XKR9: variants seen among roughly 807,000 people sequenced by gnomAD.
XKR9 encodes XK related 9, also known as XK-related protein 9.
A neutral mutation model predicts 32.0 loss-of-function variants in XKR9; 32 were observed. That is an observed-to-expected ratio of 1.00 (90% CI 0.76 to 1.34). The LOEUF is 1.34. XKR9 is among the 40% of genes most tolerant of loss of function. The pLI is 0.00. For synonymous variants in XKR9, 168 were observed against 143.4 expected, an observed-to-expected ratio of 1.17 and a Z score of -1.22; for missense variants, 546 against 429.7, an observed-to-expected ratio of 1.27 and a Z score of -2.39.
the XKR9 span, among the ~76,000 whole-genome samples, chr8:71,034,505 C>T: frequency 6.6e-6 from 1 of 152,164 alleles, no homozygotes; most frequent in Non-Finnish European, 1.5e-5. Context: ...ATGCCACTTC[C>T]ACCTGTTTGC....
At chr8:70,889,964 A>G in the XKR9 span, among the ~76,000 whole-genome samples, 4 of 152,062 alleles carry the variant, frequency 2.6e-5, no homozygotes, top group African/African-American at 9.7e-5. Context: ...GTTGAATGGT[A>G]GTTCTGTTTT....
At chr8:70,845,959 C>T in the XKR9 span, among the ~76,000 whole-genome samples, 16 of 152,088 alleles carry the variant, frequency 1.1e-4, no homozygotes, top group East Asian at 1.9e-4. Context: ...TACAGATCCC[C>T]GAGTAGATAC....
the XKR9 span, among the ~76,000 whole-genome samples, chr8:71,009,031 C>T: frequency 1.9e-3 from 292 of 151,958 alleles, no homozygotes; most frequent in Non-Finnish European, 3.0e-3. Flanking sequence ...CCAAGGAGTT[C>T]GATGTGTTAT....
chr8:70,847,851 C>T, the XKR9 span, among the ~76,000 whole-genome samples: 1 of 151,920 alleles, frequency 6.6e-6, no homozygotes, highest in Non-Finnish European at 1.5e-5. Flanking sequence ...CAAAGAAAAG[C>T]CCTGGACTTG....
chr8:70,701,915 G>A (rs900925448), intron 3 of XKR9, among the ~76,000 whole-genome samples: 2 of 152,092 alleles, frequency 1.3e-5, no homozygotes, highest in Non-Finnish European at 2.9e-5. Flanking sequence ...TCTGCCAAAG[G>A]AGAGTTTTCT....
At chr8:70,746,248 T>A (rs1807057705) in intron 2 of XKR9, among the ~76,000 whole-genome samples, 1 of 149,700 alleles carries the variant, frequency 6.7e-6, no homozygotes, top group African/African-American at 2.4e-5. Flanking sequence ...ATTCATATCT[T>A]CAAATATGAA....
the XKR9 span, among the ~76,000 whole-genome samples, chr8:70,983,957 ACAAT>A: frequency 1.3e-5 from 2 of 152,208 alleles, no homozygotes; most frequent in African/African-American, 4.8e-5. Flanking sequence ...GGCCTGAATA[ACAAT>A]CATGATGGAA....
At chr8:70,708,850 T>G (rs1039878470) in intron 4 of XKR9, among the ~76,000 whole-genome samples, 1 of 152,118 alleles carries the variant, frequency 6.6e-6, no homozygotes, top group Non-Finnish European at 1.5e-5. Flanking sequence ...GATGGCTTCA[T>G]AGCTGAATAC....
chr8:70,847,138 G>A, the XKR9 span, among the ~76,000 whole-genome samples: 4 of 152,030 alleles, frequency 2.6e-5, no homozygotes, highest in African/African-American at 9.6e-5. Context: ...TGTATACCAA[G>A]TATCTTCTCA....
At chr8:70,702,302 A>G (rs901780280) in intron 3 of XKR9, among the ~76,000 whole-genome samples, 15 of 152,158 alleles carry the variant, frequency 9.9e-5, no homozygotes, top group African/African-American at 3.4e-4. Context: ...TCATAGGATT[A>G]CAGTCTTTTT....
chr8:70,999,886 T>C, the XKR9 span, among the ~76,000 whole-genome samples: 1 of 152,236 alleles, frequency 6.6e-6, no homozygotes, highest in African/African-American at 2.4e-5. Flanking sequence ...ATGGCTTATA[T>C]TGATAGTTGC....
At chr8:71,046,597 G>T in the XKR9 span, among the ~76,000 whole-genome samples, 1 of 152,172 alleles carries the variant, frequency 6.6e-6, no homozygotes. Flanking sequence ...TGAAGTGGGT[G>T]GCAAGTAGAG....
At chr8:70,810,449 T>C in the XKR9 span, among the ~76,000 whole-genome samples, 309 of 152,238 alleles carry the variant, frequency 2.0e-3, 2 homozygotes, top group African/African-American at 7.2e-3. Flanking sequence ...AACATTAACT[T>C]TAAATGTAAA....
chr8:71,064,802 A>C, the XKR9 span, among the ~76,000 whole-genome samples: 1 of 152,166 alleles, frequency 6.6e-6, no homozygotes, highest in African/African-American at 2.4e-5. Flanking sequence ...AGCCAAGGGA[A>C]AGAATTGCAA....
At chr8:70,998,177 C>T in the XKR9 span, among the ~76,000 whole-genome samples, 3 of 152,204 alleles carry the variant, frequency 2.0e-5, no homozygotes, top group South Asian at 2.1e-4. Flanking sequence ...TAATAACAAA[C>T]ATTTCTGTAC....
chr8:70,858,207 C>A, the XKR9 span, among the ~76,000 whole-genome samples: 1 of 152,096 alleles, frequency 6.6e-6, no homozygotes, highest in Non-Finnish European at 1.5e-5. Flanking sequence ...GATTGTATAT[C>A]TAGAAAACCC....
the XKR9 span, among the ~76,000 whole-genome samples, chr8:70,989,042 CT>C: frequency 1.3e-5 from 2 of 152,192 alleles, no homozygotes; most frequent in Non-Finnish European, 2.9e-5. Context: ...ATGTACAACA[CT>C]TTCTTCATCC....
chr8:70,867,431 G>T, the XKR9 span, among the ~76,000 whole-genome samples: 1 of 152,070 alleles, frequency 6.6e-6, no homozygotes, highest in African/African-American at 2.4e-5. Context: ...CTTCCCAATA[G>T]TACCCCAAAG....
the XKR9 span, among the ~76,000 whole-genome samples, chr8:70,814,525 C>T: frequency 1.3e-4 from 20 of 151,582 alleles, no homozygotes; most frequent in Admixed American, 4.6e-4. Context: ...CAATAGACGT[C>T]GAAGAAACAT....
Sources: allele counts gnomAD v4.1 joint callset (sites outside exome capture counted in the v4.1 genomes callset), GRCh38; gene constraint gnomAD v4.1.1; transcripts MANE v1.5; gene names NCBI Gene and HGNC (gene_info 2026-07-23, HGNC 2026-07-21).